The following AP3B1 variants were observed in gnomAD, a reference collection of about 807,000 sequenced individuals.
AP3B1 encodes the protein AP-3 complex subunit beta-1.
AP3B1 carries 61 observed loss-of-function variants against 132.5 expected under a neutral mutation model. That is an observed-to-expected ratio of 0.46 (90% CI 0.37 to 0.57). AP3B1 has a LOEUF of 0.57. AP3B1 is among the 20% of genes least tolerant of loss of function. The pLI is 0.00. For synonymous variants in AP3B1, 388 were observed against 438.3 expected (o/e 0.89, Z 1.43); for missense variants, 1,120 against 1,289.4 (o/e 0.87, Z 2.01).
intron 20 of AP3B1, among the ~76,000 whole-genome samples, chr5:78,103,995 A>G (rs1325777601): frequency 6.6e-6 from 1 of 152,172 alleles, no homozygotes; most frequent in East Asian, 1.9e-4. Context: ...ATCTGACATG[A>G]CAAGCATCAA....
intron 8 of AP3B1, among the ~76,000 whole-genome samples, chr5:78,178,372 C>T (rs1466019195): frequency 6.6e-6 from 1 of 152,172 alleles, no homozygotes; most frequent in African/African-American, 2.4e-5. Context: ...CCTGTACTCC[C>T]ACCCCTTTGG....
intron 1 of AP3B1, among the ~76,000 whole-genome samples, chr5:78,278,625 A>AAAAG (rs1561217252): frequency 1.9e-5 from 1 of 52,246 alleles, no homozygotes; most frequent in African/African-American, 6.1e-5. Context: ...AAAAAAAAAA[A>AAAAG]GGGGGGGGGG....
At chr5:78,198,673 G>C (rs1745168138) in intron 7 of AP3B1, among the ~76,000 whole-genome samples, 1 of 152,054 alleles carries the variant, frequency 6.6e-6, no homozygotes, top group African/African-American at 2.4e-5. Flanking sequence ...GCACTCAGAG[G>C]GGATGCAAAC....
In AP3B1 at chr5:78,022,787, A is replaced by G. The variant is rs539229107; in HGVS notation, c.2895-1998T>C. On this transcript the variant is annotated intron_variant, in intron 24 of 26. Coordinates refer to ENST00000255194, the MANE Select transcript of AP3B1 (RefSeq NM_003664.5). The stretch of plus-strand genomic sequence containing the variant: ...ATACATCAGTTAGGAGTCTAAATTA[A>G]TAGTCTAGGCAGGATTTTGATTTTT... 7.2e-5 allele frequency among the ~76,000 whole-genome samples: 11 copies of G among 152,262 alleles called. 1 individual carries two copies. The East Asian group carries it at 2.1e-3, about 29-fold the overall frequency.
At chr5:78,146,659 C>A (rs1753410433) in intron 14 of AP3B1, among the ~76,000 whole-genome samples, 2 of 152,108 alleles carry the variant, frequency 1.3e-5, no homozygotes, top group Admixed American at 1.3e-4. Flanking sequence ...ATTGATCCCT[C>A]TTCTGTTTTG....
intron 11 of AP3B1, among the ~76,000 whole-genome samples, chr5:78,175,004 T>C (rs1744087343): frequency 6.6e-6 from 1 of 152,256 alleles, no homozygotes; most frequent in Non-Finnish European, 1.5e-5. Flanking sequence ...AGCAAGGCTC[T>C]GTGGGCGTTG....
intron 7 of AP3B1, among the ~76,000 whole-genome samples, chr5:78,207,462 T>C (rs1022227793): frequency 6.6e-6 from 1 of 151,744 alleles, no homozygotes; most frequent in African/African-American, 2.4e-5. Flanking sequence ...TAAAGAAATT[T>C]TCTAAAAATA....
intron 6 of AP3B1, among the ~76,000 whole-genome samples, chr5:78,218,524 A>T (rs989295770): frequency 1.3e-5 from 2 of 152,112 alleles, no homozygotes; most frequent in African/African-American, 2.4e-5. Context: ...CTGTGCTCCA[A>T]GGTAAACTAC....
chr5:78,163,621 A>G (rs924182469), intron 12 of AP3B1, among the ~76,000 whole-genome samples: 2 of 146,664 alleles, frequency 1.4e-5, no homozygotes, highest in Non-Finnish European at 3.0e-5. Context: ...GTGTGTATAT[A>G]TAGTATATAT....
intron 21 of AP3B1, among the ~76,000 whole-genome samples, chr5:78,098,523 C>T (rs1200626785): frequency 2.6e-5 from 4 of 152,090 alleles, no homozygotes; most frequent in Admixed American, 6.5e-5. Flanking sequence ...TATTCTTTTA[C>T]AATTTTAAAC....
chr5:78,194,359 T>A (rs139475375), intron 7 of AP3B1, among the ~76,000 whole-genome samples: 134 of 152,234 alleles, frequency 8.8e-4, no homozygotes, highest in Middle Eastern at 6.8e-3. Context: ...TACAAATGCA[T>A]GAAAAGGTTT....
rs1029105487 is a variant in AP3B1 at position 78,215,988 on chromosome 5, C to T, written c.786+67G>A. 18 of 1,537,762 alleles carry T rather than the reference C, an allele frequency of 1.2e-5. No individual in the cohort carries two copies. In the African/African-American group the frequency reaches 1.8e-4, roughly 15 times the overall value. ...CTAGTTTACTACTCCTAATTTTTTG[C>T]CCAAGTTTTAAAAAGCTCATCCATT... is the stretch of plus-strand genomic sequence containing the variant. On this transcript the variant is annotated intron_variant, in intron 7 of 26. Coordinates refer to ENST00000255194, the MANE Select transcript of AP3B1 (RefSeq NM_003664.5).
intron 22 of AP3B1, among the ~76,000 whole-genome samples, chr5:78,055,020 C>G (rs769594165): frequency 1.1e-4 from 1 of 9,512 alleles, no homozygotes; most frequent in African/African-American, 6.5e-4. Context: ...CCTACAGACA[C>G]ACACACACAC....
intron 20 of AP3B1, among the ~76,000 whole-genome samples, chr5:78,103,938 CATGT>C (rs1445050644): frequency 6.6e-6 from 1 of 151,870 alleles, no homozygotes; most frequent in Non-Finnish European, 1.5e-5. Flanking sequence ...ATGTATTATG[CATGT>C]TCATTTTCAT....
intron 2 of AP3B1, among the ~76,000 whole-genome samples, chr5:78,263,457 T>C (rs1425084868): frequency 6.6e-6 from 1 of 152,216 alleles, no homozygotes; most frequent in African/African-American, 2.4e-5. Context: ...ATAATTTTAC[T>C]TCTTCCTTTT....
intron 26 of AP3B1, among the ~76,000 whole-genome samples, chr5:78,006,096 A>C (rs902013896): frequency 8.5e-5 from 13 of 152,184 alleles, no homozygotes. Flanking sequence ...TCATTTGTTA[A>C]GCACTTACTG....
intron 26 of AP3B1, 37 bp from the exon 27 acceptor site, chr5:78,003,092 T>TG (rs1456841189): frequency 4.4e-6 from 7 of 1,607,988 alleles, no homozygotes; most frequent in Non-Finnish European, 6.0e-6. Context: ...TATCATAAGA[T>TG]GGGGAGGGTA....
At chr5:78,208,259 T>C (rs1745594368) in intron 7 of AP3B1, among the ~76,000 whole-genome samples, 1 of 152,096 alleles carries the variant, frequency 6.6e-6, no homozygotes, top group South Asian at 2.1e-4. Flanking sequence ...GGGAAGAAAA[T>C]GAAGCTGTTG....
chr5:78,081,300 A>ATTTTTT (rs560113962), intron 22 of AP3B1, among the ~76,000 whole-genome samples: 37 of 100,868 alleles, frequency 3.7e-4, no homozygotes, highest in East Asian at 6.4e-4. Context: ...GCATTACTTC[A>ATTTTTT]TTTTTTTTTT....
Sources: gnomAD v4.1 joint callset for allele counts (sites outside exome capture counted in the v4.1 genomes callset) on GRCh38, gnomAD v4.1.1 for gene constraint, MANE v1.5 for transcripts, NCBI Gene and HGNC (gene_info 2026-07-23, HGNC 2026-07-21) for gene names.